Variants in C19orf47 observed in about 807,000 individuals in gnomAD.
C19orf47 encodes uncharacterized protein C19orf47.
C19orf47 carries 18 observed loss-of-function variants against 32.3 expected under a neutral mutation model. The observed-to-expected ratio is 0.56, with a 90% CI of 0.39 to 0.83. The LOEUF is 0.83. C19orf47 is among the 40% of genes least tolerant of loss of function. The pLI is 0.00. For synonymous variants in C19orf47, 202 were observed against 211.1 expected, an observed-to-expected ratio of 0.96 and a Z score of 0.37; for missense variants, 484 against 531.6, an observed-to-expected ratio of 0.91 and a Z score of 0.88.
Position 40,324,030 on chromosome 19 carries a change from C to T in C19orf47, c.639G>A (p.Lys213=). 1 of 1,614,232 alleles carries T rather than the reference C, an allele frequency of 6.2e-7. No individual in the cohort carries two copies. Among genetic ancestry groups the T allele is most frequent in the African/African-American group, 1.3e-5 (1 of 75,056 alleles). ...CTTTACTCCCTGTCGTGGTGTCTGC[C>T]TTGGTCTCGGCGCCGAGGCGGTCAA... ...SVFDRLGAET[K]ADTTTGSKPT... Residue 213 remains lysine, a synonymous_variant, in exon 8 of 9, where the codon AAG becomes AAA. Coordinates refer to ENST00000683109, the MANE Select transcript of C19orf47 (RefSeq NM_001256441.2).
intron 5 of C19orf47, among the ~76,000 whole-genome samples, chr19:40,332,291 A>G (rs1473208212): frequency 3.9e-5 from 6 of 151,962 alleles, no homozygotes; most frequent in Non-Finnish European, 7.4e-5. Flanking sequence ...TGGGAGGCAG[A>G]GTTTGCAGTT....
rs144750791 is a variant in C19orf47, at chr19:40,326,474, C to T, written c.452G>A (p.Arg151His). The T allele has an allele frequency of 4.5e-5, 73 of 1,613,348 alleles. No individual in the cohort carries two copies. The highest frequency in any genetic ancestry group is 1.6e-4 in the Middle Eastern group (1 of 6,062). The change falls in exon 7 of 9, where the codon CGC becomes CAC. Residue 151 changes from arginine to histidine, a missense_variant. Coordinates refer to ENST00000683109, the MANE Select transcript of C19orf47 (RefSeq NM_001256441.2). ...KSAKATAALA[R>H]REEESLAVPA... ...AACAGCCAGGCTCTCCTCCTCCCGG[C>T]GGGCCAGGGCTGCTGGGGGAAGAAA...
At position 40,322,312 on chromosome 19, in the gene C19orf47, C is replaced by T; in HGVS notation, c.728G>A (p.Ser243Asn). ...PETDEDLAWD[S>N]DNDSSSSVLQ... ...GACAGAGCTGCTGCTGTCATTGTCG[C>T]TGTCCCAAGCCAGATCCTCGTCCGT... Residue 243 changes from serine (S) to asparagine (N), a missense_variant, in exon 9 of 9, where the codon AGC becomes AAC. By Grantham distance (46) the Ser-to-Asn change is conservative. This residue lies in a region of C19orf47 where 376 missense variants were observed against 370.2 expected (regional missense o/e 1.02). Transcript: ENST00000683109. 6.2e-7 allele frequency: 1 copy of T among 1,608,128 alleles called. No individual in the cohort carries two copies.
At chr19:40,324,417 G>A in intron 7 of C19orf47, 1 of 344,146 alleles carries the variant, frequency 2.9e-6, no homozygotes, top group Non-Finnish European at 5.4e-6. Flanking sequence ...GAGTGGTAGT[G>A]CATCCTCCCC....
At chr19:40,305,003 C>G in the C19orf47 span, among the ~76,000 whole-genome samples, 1 of 151,764 alleles carries the variant, frequency 6.6e-6, no homozygotes, top group Non-Finnish European at 1.5e-5. Context: ...CTGAGGTGGG[C>G]GGATCACTTG....
intron 7 of C19orf47, among the ~76,000 whole-genome samples, chr19:40,325,987 T>G (rs921888466): frequency 6.6e-6 from 1 of 152,216 alleles, no homozygotes; most frequent in Admixed American, 6.5e-5. Context: ...CTTTGGACTA[T>G]ATCTCCACTC....
the C19orf47 span, chr19:40,299,610 T>C: frequency 5.9e-5 from 9 of 152,376 alleles, no homozygotes; most frequent in Admixed American, 2.6e-4. Context: ...AATCTTTTTT[T>C]ACATTTTTGA....
At chr19:40,346,062 A>C (rs555294532) in intron 1 of C19orf47, among the ~76,000 whole-genome samples, 8 of 151,556 alleles carry the variant, frequency 5.3e-5, no homozygotes, top group African/African-American at 1.7e-4. Flanking sequence ...AGGCTGAGGC[A>C]GGAGAATCAC....
Position 40,320,784 on chromosome 19 carries a change from T to C in C19orf47, c.*1098A>G, listed in dbSNP as rs1325255217. ...CTCATGGTCTCACAAACGGAGCCCA[T>C]CATTTGGAAAGGTGCCAGCAGGCAG... On this transcript the variant is annotated 3_prime_UTR_variant, in exon 9 of 9. Transcript: ENST00000683109. 1 of 152,422 alleles carries C rather than the reference T, an allele frequency of 6.6e-6. No homozygotes were observed. The highest frequency in any genetic ancestry group is 1.5e-5 in the Non-Finnish European group (1 of 68,152). The allele number at this position is 152,422 out of a possible 1,614,324, so 9.4% of individuals were successfully genotyped here.
At chr19:40,315,636 C>G (rs1239755631), downstream of C19orf47, among the ~76,000 whole-genome samples, 1 of 152,026 alleles carries the variant, frequency 6.6e-6, no homozygotes, top group Non-Finnish European at 1.5e-5. Flanking sequence ...AAAAATTAGC[C>G]AGGCATGGTG....
the C19orf47 span, among the ~76,000 whole-genome samples, chr19:40,310,215 G>A: frequency 2.0e-5 from 3 of 152,022 alleles, no homozygotes; most frequent in South Asian, 6.2e-4. Context: ...CATGCCTGGT[G>A]ACAGAGTGAG....
chr19:40,329,317 C>A (rs2077900420), intron 5 of C19orf47, among the ~76,000 whole-genome samples: 1 of 151,882 alleles, frequency 6.6e-6, no homozygotes, highest in Non-Finnish European at 1.5e-5. Context: ...CCAGCCTGGG[C>A]AACATGGCAA....
the C19orf47 span, among the ~76,000 whole-genome samples, chr19:40,295,961 C>T: frequency 1.3e-5 from 2 of 151,548 alleles, no homozygotes; most frequent in Admixed American, 1.3e-4. Context: ...GCCCAGGCTG[C>T]TCTTAAACTC....
At chr19:40,335,326 C>T (rs1242271511) in intron 4 of C19orf47, among the ~76,000 whole-genome samples, 5 of 152,168 alleles carry the variant, frequency 3.3e-5, no homozygotes, top group Non-Finnish European at 5.9e-5. Context: ...CTGGGTCCCA[C>T]ATAGGAAGCT....
rs1373597212 is a variant in C19orf47, at chr19:40,320,372, A to C, written c.*1510T>G. ...TTGATCACAACACCCCCAGCCACCTAGCCCCTGCCCACCCACCTCTGCCTC... is the reference window on the plus strand; with the variant it reads ...TTGATCACAACACCCCCAGCCACCTCGCCCCTGCCCACCCACCTCTGCCTC... On this transcript the variant is annotated 3_prime_UTR_variant, in exon 9 of 9. Coordinates refer to ENST00000683109, the MANE Select transcript of C19orf47 (RefSeq NM_001256441.2). 2.6e-5 allele frequency: 4 copies of C among 155,322 alleles called. No individual in the cohort carries two copies. The highest frequency in any genetic ancestry group is 5.8e-5 in the Non-Finnish European group (4 of 68,970). The allele number at this position is 155,322 out of a possible 1,614,324, so 9.6% of individuals were successfully genotyped here.
chr19:40,304,333 C>A, the C19orf47 span, among the ~76,000 whole-genome samples: 3 of 152,138 alleles, frequency 2.0e-5, no homozygotes, highest in African/African-American at 7.2e-5. Context: ...GGAGGACTTT[C>A]TTTGACCTTC....
In C19orf47 at chr19:40,319,675, T is replaced by C. The variant is rs1020892833; in HGVS notation, c.*2207A>G. ...GCCTCAGCCTCCTAAGTAGCCGGGA[T>C]TACAGGCACCTGTCACCACACCCGG... On this transcript the variant is annotated 3_prime_UTR_variant, in exon 9 of 9. Transcript: ENST00000683109. 6.6e-6 allele frequency: 1 copy of C among 152,596 alleles called. No homozygotes were observed. The highest frequency in any genetic ancestry group is 6.6e-5 in the Admixed American group (1 of 15,262). 9.5% of individuals were successfully genotyped at this position (152,596 alleles called of 1,614,324 possible).
intron 8 of C19orf47, among the ~76,000 whole-genome samples, chr19:40,323,076 T>C (rs2077754476): frequency 6.6e-6 from 1 of 152,166 alleles, no homozygotes; most frequent in South Asian, 2.1e-4. Context: ...TATAATCCTA[T>C]GTATTGAGCA....
At position 40,336,236 on chromosome 19, in the gene C19orf47, G is replaced by T; in HGVS notation, c.108-12C>A. 1 of 1,614,128 alleles carries T rather than the reference G, an allele frequency of 6.2e-7. No homozygotes were observed. Among genetic ancestry groups the T allele is most frequent in the Non-Finnish European group, 8.5e-7 (1 of 1,179,952 alleles). On this transcript the variant is annotated splice_polypyrimidine_tract_variant and intron_variant, in intron 3 of 8. Coordinates refer to ENST00000683109, the MANE Select transcript of C19orf47 (RefSeq NM_001256441.2). ...TGCTCTTCTGAATCCTGCAGGGAAA[G>T]GTCAGTGGTGAGGCCCCAGGTGGGC...
Sources: allele counts gnomAD v4.1 joint callset (sites outside exome capture counted in the v4.1 genomes callset), GRCh38; gene constraint gnomAD v4.1.1; regional missense constraint gnomAD v4.1.1; transcripts MANE v1.5; gene names NCBI Gene and HGNC (gene_info 2026-07-23, HGNC 2026-07-21).